Variants in TADA2A observed in about 807,000 individuals in gnomAD.
TADA2A encodes transcriptional adaptor 2A.
A neutral mutation model predicts 67.4 loss-of-function variants in TADA2A; 38 were observed. The ratio of observed to expected loss-of-function variants is 0.56; its 90% CI spans 0.44 to 0.74. TADA2A has a LOEUF of 0.74. Among genes scored for constraint, TADA2A ranks in the 30% least tolerant of loss-of-function variants. The pLI, the probability that TADA2A is intolerant of heterozygous loss-of-function variation, is 0.00. For missense variants in TADA2A, 454 were observed against 547.0 expected, an observed-to-expected ratio of 0.83 and a Z score of 1.70; for synonymous variants, 192 against 181.6, an observed-to-expected ratio of 1.06 and a Z score of -0.46.
chr17:37,432,387 G>A (rs1429719473), intron 4 of TADA2A, among the ~76,000 whole-genome samples: 1 of 151,812 alleles, frequency 6.6e-6, no homozygotes, highest in Non-Finnish European at 1.5e-5. Context: ...GATTGGTCTC[G>A]AACCCCTGAC....
chr17:37,464,753 G>T (rs1441644692), intron 10 of TADA2A, among the ~76,000 whole-genome samples: 3 of 149,168 alleles, frequency 2.0e-5, no homozygotes, highest in Non-Finnish European at 4.4e-5. Context: ...CAGGAAAATT[G>T]CTTGAACCTG....
chr17:37,433,171 T>A (rs893201896), intron 4 of TADA2A, among the ~76,000 whole-genome samples: 1 of 151,926 alleles, frequency 6.6e-6, no homozygotes, highest in African/African-American at 2.4e-5. Context: ...CAGGGTGGTC[T>A]TAAACTCCTG....
intron 2 of TADA2A, among the ~76,000 whole-genome samples, chr17:37,412,368 AG>A (rs1326300488): frequency 1.3e-5 from 2 of 152,178 alleles, no homozygotes; most frequent in Non-Finnish European, 2.9e-5. Flanking sequence ...GGTAAGATAA[AG>A]GAAAGATCAT....
intron 12 of TADA2A, among the ~76,000 whole-genome samples, chr17:37,470,180 G>T (rs2053756226): frequency 1.3e-5 from 2 of 152,040 alleles, no homozygotes; most frequent in Non-Finnish European, 2.9e-5. Flanking sequence ...CTTACAGATA[G>T]AAAAGGAATA....
chr17:37,437,001 CTAA>C (rs2052746256), intron 4 of TADA2A, among the ~76,000 whole-genome samples: 1 of 151,720 alleles, frequency 6.6e-6, no homozygotes, highest in Non-Finnish European at 1.5e-5. Flanking sequence ...AGGTGGACAA[CTAA>C]TAAGAATGTA....
At position 37,435,726 on chromosome 17, in the gene TADA2A, C is replaced by T. The variant is rs992411886; in HGVS notation, c.193-2012C>T. On this transcript the variant is annotated intron_variant, in intron 4 of 15. Coordinates refer to ENST00000615182, the MANE Select transcript of TADA2A (RefSeq NM_001166105.3). ...TGCCAAGTAGCTGGAACCACAGGTG[C>T]GCGCCACCATGCCCAGCTAATTTTT... Among the ~76,000 whole-genome samples the T allele has an allele frequency of 4.6e-5, 7 of 152,240 alleles. No individual in the cohort carries two copies. The East Asian group carries it at 5.8e-4, about 13-fold the overall frequency.
intron 2 of TADA2A, among the ~76,000 whole-genome samples, chr17:37,418,421 A>C (rs967292601): frequency 8.5e-5 from 13 of 152,054 alleles, no homozygotes; most frequent in African/African-American, 2.9e-4. Flanking sequence ...CAGATTTCCA[A>C]ATGGCTCCCT....
chr17:37,474,784 A>G (rs1858094420), intron 15 of TADA2A, among the ~76,000 whole-genome samples, 155 bp downstream of exon 15: 1 of 152,206 alleles, frequency 6.6e-6, no homozygotes, highest in African/African-American at 2.4e-5. Flanking sequence ...AGAGCTAAAG[A>G]GCCGTTTGTG....
chr17:37,414,510 C>T (rs1263212187), intron 2 of TADA2A, among the ~76,000 whole-genome samples: 2 of 152,158 alleles, frequency 1.3e-5, no homozygotes, highest in Non-Finnish European at 2.9e-5. Flanking sequence ...ATCTTTTCAT[C>T]TACTAGAATA....
chr17:37,439,877 A>T (rs772716501), intron 5 of TADA2A, among the ~76,000 whole-genome samples: 34 of 151,512 alleles, frequency 2.2e-4, no homozygotes, highest in Non-Finnish European at 4.1e-4. Flanking sequence ...GGCCTAGCTC[A>T]CAGGAAAATT....
At chr17:37,429,045 CA>C (rs375811520) in intron 4 of TADA2A, among the ~76,000 whole-genome samples, 107 of 109,572 alleles carry the variant, frequency 9.8e-4, no homozygotes, top group South Asian at 2.3e-3. Flanking sequence ...GACTCCGTCT[CA>C]AAAAAAAAAA....
intron 2 of TADA2A, among the ~76,000 whole-genome samples, chr17:37,416,604 C>T (rs1422145074): frequency 2.0e-5 from 3 of 152,040 alleles, no homozygotes; most frequent in African/African-American, 7.2e-5. Flanking sequence ...TGGTGGCTCA[C>T]GCCTGTAATC....
rs80260728 is a variant in TADA2A at position 37,476,981 on chromosome 17, A to G, written c.1331A>G (p.Ter444=). 1,337 of 1,604,444 alleles carry G rather than the reference A, an allele frequency of 8.3e-4. 18 individuals are homozygous for G. In the East Asian group the frequency reaches 0.026, roughly 31 times the overall value. The change falls in exon 16 of 16, where the codon TAA becomes TGA. Residue 444 remains the stop codon, a stop_retained_variant. Coordinates refer to ENST00000615182, the MANE Select transcript of TADA2A (RefSeq NM_001166105.3). ...LIREGYITKG[*] ...AGAGAAGGATACATCACTAAAGGCTAAGGCTCCAAGAGCTTGGGATCAGAA... is the reference window on the plus strand; with the variant it reads ...AGAGAAGGATACATCACTAAAGGCTGAGGCTCCAAGAGCTTGGGATCAGAA...
Position 37,440,661 on chromosome 17 carries a change from C to A in TADA2A, c.441C>A (p.His147Gln). 1 of 1,614,184 alleles carries A rather than the reference C, an allele frequency of 6.2e-7. No homozygotes were observed. Among genetic ancestry groups the A allele is most frequent in the Non-Finnish European group, 8.5e-7 (1 of 1,180,018 alleles). The change falls in exon 6 of 16, where the codon CAC becomes CAA. Residue 147 changes from histidine to glutamine, a missense_variant and splice_region_variant. Physicochemically the swap from His to Gln is conservative, Grantham distance 24. Transcript: ENST00000615182. ...CTGCTGACACAGCCATTCCATTTCA[C>A]TGTAAGTGCCTCCCTATCTTGATAA... ...AKTADTAIPFHSTDDPPRPTF... is the reference protein window; with the variant it reads ...AKTADTAIPFQSTDDPPRPTF...
At position 37,416,796 on chromosome 17, in the gene TADA2A, CA is replaced by C. The variant is rs202151827; in HGVS notation, c.25+5407del. Reference sequence around the variant, plus strand: ...AGGAGAATCACTTGAACCTGGGAGGCAGAAGTTGCAGTGAGCCAAGATCGCA... The same window carrying C: ...AGGAGAATCACTTGAACCTGGGAGGCGAAGTTGCAGTGAGCCAAGATCGCA... On this transcript the variant is annotated intron_variant, in intron 2 of 15. Transcript: ENST00000615182. Among the ~76,000 whole-genome samples the C allele has an allele frequency of 1.2e-4, 18 of 151,292 alleles. No homozygotes were observed. The East Asian group carries it at 2.0e-3, about 16-fold the overall frequency.
At chr17:37,427,917 G>A (rs2052455305) in intron 4 of TADA2A, among the ~76,000 whole-genome samples, 1 of 152,064 alleles carries the variant, frequency 6.6e-6, no homozygotes, top group African/African-American at 2.4e-5. Context: ...AGGAGGCAGA[G>A]GTTGCAGTGA....
chr17:37,463,788 T>TA (rs2053600469), intron 10 of TADA2A, among the ~76,000 whole-genome samples: 1 of 150,424 alleles, frequency 6.6e-6, no homozygotes, highest in South Asian at 2.2e-4. Flanking sequence ...CCATCTCTAC[T>TA]AAAAAATAAA....
intron 8 of TADA2A, among the ~76,000 whole-genome samples, chr17:37,457,977 G>A (rs2053441388): frequency 6.6e-6 from 1 of 152,092 alleles, no homozygotes; most frequent in Non-Finnish European, 1.5e-5. Context: ...ATATTGCATA[G>A]GTAAACTTGT....
At chr17:37,414,106 A>G (rs189554046) in intron 2 of TADA2A, among the ~76,000 whole-genome samples, 1 of 152,214 alleles carries the variant, frequency 6.6e-6, no homozygotes, top group East Asian at 1.9e-4. Context: ...AGCTCCATCC[A>G]TGTTGCTGCA....
Sources: allele counts gnomAD v4.1 joint callset (sites outside exome capture counted in the v4.1 genomes callset), GRCh38; gene constraint gnomAD v4.1.1; transcripts MANE v1.5; gene names NCBI Gene and HGNC (gene_info 2026-07-23, HGNC 2026-07-21).